TRIM36: variants seen among roughly 807,000 people sequenced by gnomAD.
The protein encoded by TRIM36 is E3 ubiquitin-protein ligase TRIM36.
Under a neutral mutation model 72.4 loss-of-function variants are expected in TRIM36, and 42 were observed. The ratio of observed to expected loss-of-function variants is 0.58; its 90% CI spans 0.45 to 0.75. The LOEUF (loss-of-function observed/expected upper bound fraction) is 0.75. Among genes scored for constraint, TRIM36 ranks in the 30% least tolerant of loss-of-function variants. The pLI is 0.00. For synonymous variants in TRIM36, 315 were observed against 282.8 expected (o/e 1.11, Z -1.14); for missense variants, 913 against 857.1 (o/e 1.07, Z -0.81).
chr5:115,146,049 T>G (rs889846449), intron 3 of TRIM36, among the ~76,000 whole-genome samples: 11 of 152,204 alleles, frequency 7.2e-5, no homozygotes, highest in African/African-American at 2.7e-4. Flanking sequence ...TTATCAATCT[T>G]TTATTATATT....
chr5:115,173,695 A>C (rs1306792899), upstream of TRIM36, among the ~76,000 whole-genome samples: 1 of 152,140 alleles, frequency 6.6e-6, no homozygotes, highest in African/African-American at 2.4e-5. Context: ...AAATATCTGA[A>C]CTTTAAAAAA....
chr5:115,172,567 C>G (rs1207993922), upstream of TRIM36, among the ~76,000 whole-genome samples: 1 of 152,146 alleles, frequency 6.6e-6, no homozygotes, highest in Non-Finnish European at 1.5e-5. Context: ...GAAACCCCCC[C>G]TTTACTAAAA....
chr5:115,163,575 G>T lies in TRIM36; in HGVS notation c.205C>A (p.Pro69Thr). The change falls in exon 2 of 10, where the codon CCT becomes ACT. Residue 69 changes from proline to threonine, a missense_variant. Physicochemically the swap from Pro to Thr is conservative, Grantham distance 38. Transcript: ENST00000513154. ...VGSDNSNQSSPRLRLPSPSMD... is the reference protein window; with the variant it reads ...VGSDNSNQSSTRLRLPSPSMD... Reference sequence around the variant, plus strand: ...CTAGGGGAGGGGAGCCGAAGTCGAGGACTGCTTTGATTGGAGTTGTCTGAT... The same window carrying T: ...CTAGGGGAGGGGAGCCGAAGTCGAGTACTGCTTTGATTGGAGTTGTCTGAT... 1 of 1,614,158 alleles carries T rather than the reference G, an allele frequency of 6.2e-7. No individual in the cohort carries two copies. The highest frequency in any genetic ancestry group is 8.5e-7 in the Non-Finnish European group (1 of 1,180,036).
intron 1 of TRIM36, 130 bp from the exon 2 acceptor site, chr5:115,163,882 A>G (rs1754622369): frequency 1.2e-6 from 1 of 847,566 alleles, no homozygotes; most frequent in African/African-American, 1.7e-5. Context: ...TAAATTTTAA[A>G]TTTCTTTTCC....
upstream of TRIM36, among the ~76,000 whole-genome samples, chr5:115,170,799 T>C (rs1007735807): frequency 6.6e-6 from 1 of 152,188 alleles, no homozygotes; most frequent in East Asian, 1.9e-4. Flanking sequence ...CTTTCCTTCC[T>C]GAGGGCCAGG....
At chr5:115,127,932 T>C (rs1258493343) in intron 9 of TRIM36, among the ~76,000 whole-genome samples, 1 of 151,988 alleles carries the variant, frequency 6.6e-6, no homozygotes, top group Non-Finnish European at 1.5e-5. Flanking sequence ...GACCTTCCAG[T>C]GGGACAAGAC....
intron 5 of TRIM36, among the ~76,000 whole-genome samples, chr5:115,138,951 G>A (rs1267382560): frequency 6.6e-6 from 1 of 151,934 alleles, no homozygotes; most frequent in Non-Finnish European, 1.5e-5. Flanking sequence ...GAGTAGCTGG[G>A]ACTACGGGCG....
Position 115,126,401 on chromosome 5 carries a change from G to T in TRIM36, c.*102C>A. On this transcript the variant is annotated 3_prime_UTR_variant, in exon 10 of 10. Coordinates refer to ENST00000513154, the MANE Select transcript of TRIM36 (RefSeq NM_001300759.2). ...AGAAGAATCATACTCAAACACAAGT[G>T]GGGTGACAGAACACTCAGCGATATG... The T allele has an allele frequency of 1.2e-6, 1 of 859,214 alleles. No individual in the cohort carries two copies. The highest frequency in any genetic ancestry group is 1.7e-6 in the Non-Finnish European group (1 of 574,150). The allele number at this position is 859,214 out of a possible 1,614,324, so 53.2% of individuals were successfully genotyped here.
chr5:115,136,429 G>C (rs557296772), intron 7 of TRIM36, among the ~76,000 whole-genome samples: 1 of 152,126 alleles, frequency 6.6e-6, no homozygotes, highest in African/African-American at 2.4e-5. Flanking sequence ...CTCCAGAAAT[G>C]TAACAAAATG....
At chr5:115,173,543 T>TGTGCGC (rs367927273), upstream of TRIM36, among the ~76,000 whole-genome samples, 5 of 151,832 alleles carry the variant, frequency 3.3e-5, no homozygotes, top group African/African-American at 9.7e-5. Flanking sequence ...TGTGTGTGTG[T>TGTGCGC]GCGCGCACGC....
chr5:115,147,664 T>C (rs1415223276), intron 2 of TRIM36, among the ~76,000 whole-genome samples: 4 of 152,144 alleles, frequency 2.6e-5, no homozygotes, highest in African/African-American at 4.8e-5. Context: ...AAATCAAACA[T>C]AGATATAAAG....
intron 8 of TRIM36, among the ~76,000 whole-genome samples, chr5:115,132,166 A>ATC (rs1163551342): frequency 9.8e-5 from 14 of 142,722 alleles, no homozygotes; most frequent in South Asian, 4.6e-4. Flanking sequence ...GTGAGACCCC[A>ATC]TCTCTCTCTC....
Position 115,169,852 on chromosome 5 carries a change from G to A in TRIM36, c.-218C>T. Reference sequence around the variant, plus strand: ...GGGAGAAGCGAGCTTTGCTCCCAGCGACTACCCCGGGAATCCCGCCCAGCT... The same window carrying A: ...GGGAGAAGCGAGCTTTGCTCCCAGCAACTACCCCGGGAATCCCGCCCAGCT... On this transcript the variant is annotated 5_prime_UTR_variant, in exon 1 of 10. Coordinates refer to ENST00000513154, the MANE Select transcript of TRIM36 (RefSeq NM_001300759.2). 7.6e-7 allele frequency: 1 copy of A among 1,310,762 alleles called. No individual in the cohort carries two copies. Among genetic ancestry groups the A allele is most frequent in the African/African-American group, 1.5e-5 (1 of 65,230 alleles). 81.2% of individuals were successfully genotyped at this position (1,310,762 alleles called of 1,614,324 possible).
intron 8 of TRIM36, among the ~76,000 whole-genome samples, chr5:115,131,440 T>C (rs1428829543): frequency 6.6e-6 from 1 of 152,176 alleles, no homozygotes; most frequent in East Asian, 1.9e-4. Flanking sequence ...TACTCAAGCA[T>C]TCAACTAGAG....
At chr5:115,169,569 C>A (rs1026935096) in intron 1 of TRIM36, 39 bp downstream of exon 1, 3 of 1,499,064 alleles carry the variant, frequency 2.0e-6, no homozygotes, top group Admixed American at 4.2e-5. Context: ...GTCGGCACAC[C>A]GCCCTCGAGG....
chr5:115,148,717 GTTC>G (rs1426023253), intron 2 of TRIM36: 1 of 152,138 alleles, frequency 6.6e-6, no homozygotes, highest in East Asian at 1.9e-4. Context: ...CCGTAAATCT[GTTC>G]TTAAGAGTAT....
chr5:115,130,640 T>C lies in TRIM36; in HGVS notation c.1748A>G (p.Asp583Gly). Reference sequence around the variant, plus strand: ...AGAACGGAGCCATTCTTGTAGTTTATCGCTAGAAGCAACTCCCACTTTTAC... The same window carrying C: ...AGAACGGAGCCATTCTTGTAGTTTACCGCTAGAAGCAACTCCCACTTTTAC... ...YLVKVGVASS[D>G]KLQEWLRSPR... The change falls in exon 9 of 10, where the codon GAT becomes GGT. Residue 583 changes from aspartate to glycine, a missense_variant. Transcript: ENST00000513154. 1 of 1,614,192 alleles carries C rather than the reference T, an allele frequency of 6.2e-7. No individual in the cohort carries two copies. Among genetic ancestry groups the C allele is most frequent in the East Asian group, 2.2e-5 (1 of 44,880 alleles).
intron 4 of TRIM36, among the ~76,000 whole-genome samples, chr5:115,142,415 T>C (rs926645102): frequency 1.2e-4 from 19 of 152,212 alleles, no homozygotes; most frequent in African/African-American, 4.6e-4. Context: ...TTTGGCCATT[T>C]AAATTGAAGT....
intron 1 of TRIM36, chr5:115,177,959 G>A: frequency 3.6e-6 from 5 of 1,385,192 alleles, no homozygotes; most frequent in Non-Finnish European, 5.1e-6. Context: ...TCATTATAGT[G>A]AGCATACTGT....
Sources: allele counts gnomAD v4.1 joint callset (sites outside exome capture counted in the v4.1 genomes callset), GRCh38; gene constraint gnomAD v4.1.1; transcripts MANE v1.5; gene names NCBI Gene and HGNC (gene_info 2026-07-23, HGNC 2026-07-21).